THAP2: variants seen among roughly 807,000 people sequenced by gnomAD.
The protein encoded by THAP2 is THAP domain containing 2.
In THAP2, 16 loss-of-function variants were observed where a neutral mutation model predicts 18.8. The observed-to-expected ratio is 0.85, with a 90% CI of 0.58 to 1.29. The LOEUF is 1.29. THAP2 is among the 50% of genes most tolerant of loss of function. The pLI is 0.00. For missense variants in THAP2, 251 were observed against 265.3 expected, an observed-to-expected ratio of 0.95 and a Z score of 0.38; for synonymous variants, 80 against 89.2, an observed-to-expected ratio of 0.90 and a Z score of 0.58.
In THAP2 at chr12:71,664,383, C is replaced by CGCTCTCACGACTAA. The variant is rs745527252; in HGVS notation, c.-116_-103dup. On this transcript the variant is annotated 5_prime_UTR_variant, in exon 1 of 3. Transcript: ENST00000308086. The stretch of plus-strand genomic sequence containing the variant: ...ACATACACACCCCTTCTTCCCACTC[C>CGCTCTCACGACTAA]GCTCTCACGACTAAGCTCTCACGAT... 1 of 1,138,458 alleles carries CGCTCTCACGACTAA rather than the reference C, an allele frequency of 8.8e-7. No homozygotes were observed. Among genetic ancestry groups the CGCTCTCACGACTAA allele is most frequent in the Non-Finnish European group, 1.3e-6 (1 of 762,580 alleles). The allele number at this position is 1,138,458 out of a possible 1,614,324, so 70.5% of individuals were successfully genotyped here. A position where few individuals can be genotyped will look rare whatever the true frequency, so the allele number is the denominator to read the frequency against.
chr12:71,677,204 T>G lies in THAP2; in HGVS notation c.*96T>G. ...GCCAAAATTCATTATTTAATAAAGT[T>G]TTACTTGAAGTAACATTACTGAATT... On this transcript the variant is annotated 3_prime_UTR_variant, in exon 3 of 3. Transcript: ENST00000308086. 1 of 1,176,350 alleles carries G rather than the reference T, an allele frequency of 8.5e-7. No individual in the cohort carries two copies. The highest frequency in any genetic ancestry group is 1.1e-6 in the Non-Finnish European group (1 of 891,898). The allele number at this position is 1,176,350 out of a possible 1,614,324, so 72.9% of individuals were successfully genotyped here. A position where few individuals can be genotyped will look rare whatever the true frequency, so the allele number is the denominator to read the frequency against.
chr12:71,668,199 A>T (rs1004310045), intron 1 of THAP2, among the ~76,000 whole-genome samples: 1 of 152,128 alleles, frequency 6.6e-6, no homozygotes, highest in African/African-American at 2.4e-5. Context: ...TTAACACTCT[A>T]CTGTCCCACC....
intron 1 of THAP2, among the ~76,000 whole-genome samples, chr12:71,666,467 C>T (rs1881344320): frequency 6.6e-6 from 1 of 151,938 alleles, no homozygotes; most frequent in South Asian, 2.1e-4. Context: ...GAGCCATAAT[C>T]ATGCCACTGT....
In THAP2 at chr12:71,678,007, C is replaced by CA. The variant is rs1555183380; in HGVS notation, c.*899_*900insA. Reference sequence around the variant, plus strand: ...AGAAATAGTGTATCAATATAGTGGGCTTTTTTTTTCCTCTTCATAAACCCA... The same window carrying CA: ...AGAAATAGTGTATCAATATAGTGGGCATTTTTTTTTCCTCTTCATAAACCCA... On this transcript the variant is annotated 3_prime_UTR_variant, in exon 3 of 3. Coordinates refer to ENST00000308086, the MANE Select transcript of THAP2 (RefSeq NM_031435.4). 6.6e-6 allele frequency: 1 copy of CA among 151,256 alleles called. No individual in the cohort carries two copies. Among genetic ancestry groups the CA allele is most frequent in the Non-Finnish European group, 1.5e-5 (1 of 67,790 alleles). The allele number at this position is 151,256 out of a possible 1,614,324, so 9.4% of individuals were successfully genotyped here.
At chr12:71,666,805 G>A (rs757905384) in intron 1 of THAP2, among the ~76,000 whole-genome samples, 12 of 151,826 alleles carry the variant, frequency 7.9e-5, no homozygotes, top group African/African-American at 2.2e-4. Context: ...TGTGATCTTC[G>A]CTCACTGCAA....
chr12:71,664,486 G>T lies in THAP2; in HGVS notation c.-24G>T. 2 of 1,614,096 alleles carry T rather than the reference G, an allele frequency of 1.2e-6. No individual in the cohort carries two copies. Among genetic ancestry groups the T allele is most frequent in the Non-Finnish European group, 1.7e-6 (2 of 1,180,008 alleles). On this transcript the variant is annotated 5_prime_UTR_variant, in exon 1 of 3. Transcript: ENST00000308086. ...CCAGCGCCTCAGTAGAGACCTAAGG[G>T]CGCTGAATGAGTGGGAAAGGGAAAT...
At position 71,677,219 on chromosome 12, in the gene THAP2, A is replaced by G; in HGVS notation, c.*111A>G. 1.5e-5 allele frequency: 15 copies of G among 1,028,976 alleles called. No individual in the cohort carries two copies. The highest frequency in any genetic ancestry group is 1.8e-5 in the Non-Finnish European group (14 of 771,110). 63.7% of individuals were successfully genotyped at this position (1,028,976 alleles called of 1,614,324 possible). A position where few individuals can be genotyped will look rare whatever the true frequency, so the allele number is the denominator to read the frequency against. ...TTAATAAAGTTTTACTTGAAGTAAC[A>G]TTACTGAATTTGTGAAGACTTGATT... On this transcript the variant is annotated 3_prime_UTR_variant, in exon 3 of 3. Coordinates refer to ENST00000308086, the MANE Select transcript of THAP2 (RefSeq NM_031435.4).
In THAP2 at chr12:71,677,146, C is replaced by G. The variant is rs192494548; in HGVS notation, c.*38C>G. 1.1e-5 allele frequency: 16 copies of G among 1,463,976 alleles called. No homozygotes were observed. The Admixed American group carries it at 2.0e-4, about 18-fold the overall frequency. The allele number at this position is 1,463,976 out of a possible 1,614,324, so 90.7% of individuals were successfully genotyped here. A position where few individuals can be genotyped will look rare whatever the true frequency, so the allele number is the denominator to read the frequency against. On this transcript the variant is annotated 3_prime_UTR_variant, in exon 3 of 3. Coordinates refer to ENST00000308086, the MANE Select transcript of THAP2 (RefSeq NM_031435.4). The stretch of plus-strand genomic sequence containing the variant: ...CAGAGCTTGATGCCTATCCTTCATT[C>G]TTTTCAGAAGTAAAGATAATTATGG...
At position 71,664,387 on chromosome 12, in the gene THAP2, C is replaced by G; in HGVS notation, c.-123C>G. 8.2e-7 allele frequency: 1 copy of G among 1,216,240 alleles called. No individual in the cohort carries two copies. The highest frequency in any genetic ancestry group is 1.2e-6 in the Non-Finnish European group (1 of 829,904). The allele number at this position is 1,216,240 out of a possible 1,614,324, so 75.3% of individuals were successfully genotyped here. A position where few individuals can be genotyped will look rare whatever the true frequency, so the allele number is the denominator to read the frequency against. ...ACACACCCCTTCTTCCCACTCCGCT[C>G]TCACGACTAAGCTCTCACGATTAAG... On this transcript the variant is annotated 5_prime_UTR_variant, in exon 1 of 3. Transcript: ENST00000308086.
chr12:71,667,770 A>G (rs1416268205), intron 1 of THAP2: 1 of 152,202 alleles, frequency 6.6e-6, no homozygotes, highest in Non-Finnish European at 1.5e-5. Flanking sequence ...CCCACCTTCT[A>G]TGATGTAAAT....
rs147935195 is a variant in THAP2, at chr12:71,664,449, AAAGC to A, written c.-60_-57del. Reference sequence around the variant, plus strand: ...TCGATTGTCCAGCCTCTGCCAGAAGAAAGCTTAGCAGCCAGCGCCTCAGTAGAGA... The same window carrying A: ...TCGATTGTCCAGCCTCTGCCAGAAGATTAGCAGCCAGCGCCTCAGTAGAGA... On this transcript the variant is annotated 5_prime_UTR_variant, in exon 1 of 3. Coordinates refer to ENST00000308086, the MANE Select transcript of THAP2 (RefSeq NM_031435.4). 4,371 of 1,605,956 alleles carry A rather than the reference AAAGC, an allele frequency of 2.7e-3. 17 individuals carry two copies. The highest frequency in any genetic ancestry group is 3.3e-3 in the Non-Finnish European group (3,893 of 1,173,084).
intron 2 of THAP2, 55 bp from the exon 3 acceptor site, chr12:71,676,634 C>G (rs565091846): frequency 1.3e-6 from 2 of 1,516,576 alleles, no homozygotes; most frequent in African/African-American, 2.8e-5. Context: ...ACACTATGTG[C>G]TTATTTGTGA....
intron 2 of THAP2, among the ~76,000 whole-genome samples, chr12:71,676,283 A>C (rs1881518350): frequency 6.6e-6 from 1 of 152,104 alleles, no homozygotes; most frequent in Non-Finnish European, 1.5e-5. Flanking sequence ...AATATTTATC[A>C]AATTGAGAAA....
chr12:71,678,484 A>AG lies in THAP2; in HGVS notation c.*1376_*1377insG, dbSNP rs771365244. ...GGTTTGCTTTATTTCACTAATGTTTAATAGGAACCCTTTGCTTCAAACAGC... is the reference window on the plus strand; with the variant it reads ...GGTTTGCTTTATTTCACTAATGTTTAGATAGGAACCCTTTGCTTCAAACAGC... On this transcript the variant is annotated 3_prime_UTR_variant, in exon 3 of 3. Coordinates refer to ENST00000308086, the MANE Select transcript of THAP2 (RefSeq NM_031435.4). 6.6e-6 allele frequency: 1 copy of AG among 152,632 alleles called. No individual in the cohort carries two copies. The highest frequency in any genetic ancestry group is 1.5e-5 in the Non-Finnish European group (1 of 68,032). The allele number at this position is 152,632 out of a possible 1,614,324, so 9.5% of individuals were successfully genotyped here.
intron 1 of THAP2, among the ~76,000 whole-genome samples, chr12:71,672,536 T>C (rs1881458468): frequency 6.6e-6 from 1 of 152,150 alleles, no homozygotes; most frequent in Non-Finnish European, 1.5e-5. Flanking sequence ...AATTGTGTAC[T>C]CACATAAAAG....
chr12:71,664,900 G>A (rs767438551), intron 1 of THAP2: 3 of 702,318 alleles, frequency 4.3e-6, no homozygotes, highest in Non-Finnish European at 7.8e-6. Flanking sequence ...CGCCGTAAGG[G>A]AGAAAGAGAT....
Position 71,664,335 on chromosome 12 carries a change from G to C in THAP2, c.-175G>C. 1.5e-6 allele frequency: 1 copy of C among 669,718 alleles called. No homozygotes were observed. The allele number at this position is 669,718 out of a possible 1,614,324, so 41.5% of individuals were successfully genotyped here. ...TATTAATAAAGAGAAAGGGAAGGCTGACCGTCCTTCGCCTCCGCCCCCACA... is the reference window on the plus strand; with the variant it reads ...TATTAATAAAGAGAAAGGGAAGGCTCACCGTCCTTCGCCTCCGCCCCCACA... On this transcript the variant is annotated 5_prime_UTR_variant, in exon 1 of 3. Coordinates refer to ENST00000308086, the MANE Select transcript of THAP2 (RefSeq NM_031435.4).
intron 1 of THAP2, chr12:71,665,017 A>G (rs1436500624): frequency 5.7e-6 from 4 of 701,028 alleles, no homozygotes; most frequent in East Asian, 2.7e-5. Flanking sequence ...TAATAGTCAC[A>G]TAGTAATTCT....
chr12:71,670,985 C>T (rs1316854330), intron 1 of THAP2, among the ~76,000 whole-genome samples: 2 of 149,536 alleles, frequency 1.3e-5, no homozygotes, highest in Non-Finnish European at 3.0e-5. Flanking sequence ...CTATTGATTA[C>T]GTGGAAGTGG....
Sources: allele counts gnomAD v4.1 joint callset (sites outside exome capture counted in the v4.1 genomes callset), GRCh38; gene constraint gnomAD v4.1.1; transcripts MANE v1.5; gene names NCBI Gene and HGNC (gene_info 2026-07-23, HGNC 2026-07-21).